The following PLEKHO2 variants were observed in gnomAD, a reference collection of about 807,000 sequenced individuals.
PLEKHO2 encodes the protein pleckstrin homology domain containing O2, also known as pleckstrin homology domain-containing family O member 2.
In PLEKHO2, 20 loss-of-function variants were observed where a neutral mutation model predicts 32.7. The observed-to-expected ratio is 0.61, with a 90% CI of 0.43 to 0.89. The LOEUF is 0.89. Among genes scored for constraint, PLEKHO2 ranks in the 40% least tolerant of loss-of-function variants. PLEKHO2 has a pLI of 0.00. For missense variants in PLEKHO2, 568 were observed against 621.2 expected (o/e 0.91, Z 0.91); for synonymous variants, 247 against 246.3 (o/e 1.00, Z -0.03).
chr15:64,852,484 C>T (rs2084576210), intron 2 of PLEKHO2, among the ~76,000 whole-genome samples: 1 of 152,184 alleles, frequency 6.6e-6, no homozygotes, highest in Non-Finnish European at 1.5e-5. Context: ...ATACAGTCAT[C>T]TGCTTTAAAA....
At chr15:64,854,309 G>A (rs762933012) in intron 2 of PLEKHO2, among the ~76,000 whole-genome samples, 7 of 152,164 alleles carry the variant, frequency 4.6e-5, no homozygotes, top group South Asian at 2.1e-4. Context: ...GATGGGATGC[G>A]CTTCAAGGAG....
Position 64,847,139 on chromosome 15 carries a change from A to C in PLEKHO2, c.13-1454A>C, listed in dbSNP as rs1473711984. Among the ~76,000 whole-genome samples, 6 of 152,160 alleles carry C rather than the reference A, an allele frequency of 3.9e-5. No individual in the cohort carries two copies. The South Asian group carries it at 6.2e-4, about 16-fold the overall frequency. ...TCCCCACCACTAGAATGCGCAGTTC[A>C]AAAGGGGGTGGGGGCCCACAGTGAG... On this transcript the variant is annotated intron_variant, in intron 1 of 5. Transcript: ENST00000323544.
intron 3 of PLEKHO2, among the ~76,000 whole-genome samples, chr15:64,857,647 G>C (rs1288048122): frequency 6.6e-6 from 1 of 152,160 alleles, no homozygotes; most frequent in Non-Finnish European, 1.5e-5. Context: ...GGGTGGAGCT[G>C]GGTCCTGTTT....
chr15:64,865,633 G>T lies in PLEKHO2; in HGVS notation c.1218G>T (p.Arg406Ser). 1 of 1,614,246 alleles carries T rather than the reference G, an allele frequency of 6.2e-7. No individual in the cohort carries two copies. Among genetic ancestry groups the T allele is most frequent in the Non-Finnish European group, 8.5e-7 (1 of 1,180,038 alleles). ...GCCCGCGGCATCCCTTGCAGCCCAG[G>T]GAACGGCTATATCGGGCCCAGCTGG... ...GEGPRHPLQP[R>S]ERLYRAQLEV... The change falls in exon 6 of 6, where the codon AGG becomes AGT. Residue 406 changes from arginine to serine, a missense_variant. Transcript: ENST00000323544.
At chr15:64,850,567 G>C (rs2084559999) in intron 2 of PLEKHO2, among the ~76,000 whole-genome samples, 1 of 152,204 alleles carries the variant, frequency 6.6e-6, no homozygotes, top group Non-Finnish European at 1.5e-5. Context: ...TAAAGAGGCA[G>C]ATTGCCTCTC....
At chr15:64,861,955 G>A (rs1169168761) in intron 5 of PLEKHO2, among the ~76,000 whole-genome samples, 1 of 152,062 alleles carries the variant, frequency 6.6e-6, no homozygotes, top group East Asian at 1.9e-4. Context: ...GAGGAAGGAA[G>A]GCTCTAGGAG....
chr15:64,847,283 A>G (rs910829713), intron 1 of PLEKHO2, among the ~76,000 whole-genome samples: 3 of 152,160 alleles, frequency 2.0e-5, no homozygotes, highest in Non-Finnish European at 2.9e-5. Flanking sequence ...AGCTGTGGCC[A>G]CAGGATATCC....
chr15:64,866,282 G>A lies in PLEKHO2; in HGVS notation c.*394G>A, dbSNP rs2084686544. 2.2e-6 allele frequency: 1 copy of A among 463,890 alleles called. No homozygotes were observed. Among genetic ancestry groups the A allele is most frequent in the Non-Finnish European group, 4.3e-6 (1 of 232,558 alleles). The allele number at this position is 463,890 out of a possible 1,614,324, so 28.7% of individuals were successfully genotyped here. The stretch of plus-strand genomic sequence containing the variant: ...TTTACATTCCTGACTTCTGAATACA[G>A]CACAGCTGAGCCCCCTGCAGCTCCC... On this transcript the variant is annotated 3_prime_UTR_variant, in exon 6 of 6. Transcript: ENST00000323544.
intron 4 of PLEKHO2, 73 bp from the exon 5 acceptor site, chr15:64,861,404 C>G: frequency 8.3e-7 from 1 of 1,201,606 alleles, no homozygotes; most frequent in Non-Finnish European, 1.2e-6. Context: ...TGGCTCTGAG[C>G]CAGGTCCGCC....
At chr15:64,848,813 G>C in intron 2 of PLEKHO2, 71 bp downstream of exon 2, 1 of 1,592,080 alleles carries the variant, frequency 6.3e-7, no homozygotes, top group Non-Finnish European at 8.6e-7. Context: ...CAAGTTAGTA[G>C]GAGGACCCTG....
At chr15:64,848,796 G>C in intron 2 of PLEKHO2, 54 bp downstream of exon 2, 1 of 1,607,652 alleles carries the variant, frequency 6.2e-7, no homozygotes, top group Non-Finnish European at 8.5e-7. Context: ...GGCAAAGTGA[G>C]GGCATTCAAG....
rs2084588793 is a variant in PLEKHO2, at chr15:64,853,913, TA to T, written c.163-1006del. ...GACTCAGGGATGCAGAAGTGCTCAC[TA>T]AGTGTCAGATTTCTTCTGTTAAACA... On this transcript the variant is annotated intron_variant, in intron 2 of 5. Coordinates refer to ENST00000323544, the MANE Select transcript of PLEKHO2 (RefSeq NM_025201.5). 4.6e-5 allele frequency among the ~76,000 whole-genome samples: 7 copies of T among 152,206 alleles called. No homozygotes were observed. In the South Asian group the frequency reaches 1.4e-3, roughly 32 times the overall value.
At chr15:64,845,224 T>TC (rs1226546887) in intron 1 of PLEKHO2, among the ~76,000 whole-genome samples, 1 of 150,670 alleles carries the variant, frequency 6.6e-6, no homozygotes, top group Non-Finnish European at 1.5e-5. Flanking sequence ...CTTTTTTTTT[T>TC]TTTTTTTTTA....
intron 1 of PLEKHO2, among the ~76,000 whole-genome samples, chr15:64,842,378 CTCTCTCTCTCTCTGTG>C (rs2084490919): frequency 1.8e-4 from 4 of 22,632 alleles, no homozygotes; most frequent in African/African-American, 3.5e-4. Flanking sequence ...GATCCTGACT[CTCTCTCTCTCTCTGTG>C]TGTGTGTGTG....
intron 2 of PLEKHO2, 40 bp downstream of exon 2, chr15:64,848,782 CA>C (rs1567095380): frequency 6.2e-7 from 1 of 1,612,030 alleles, no homozygotes; most frequent in Non-Finnish European, 8.5e-7. Context: ...GGTTCTGGGA[CA>C]GGGGCAAAGT....
intron 2 of PLEKHO2, among the ~76,000 whole-genome samples, chr15:64,851,645 A>G (rs752347849): frequency 6.6e-6 from 1 of 152,118 alleles, no homozygotes; most frequent in Non-Finnish European, 1.5e-5. Context: ...CTGACATTCC[A>G]AAGATGCTTC....
intron 1 of PLEKHO2, among the ~76,000 whole-genome samples, chr15:64,843,165 G>C (rs2084497889): frequency 6.6e-6 from 1 of 152,210 alleles, no homozygotes. Context: ...GTCCGTCAGG[G>C]CTCCCTCTAG....
chr15:64,848,266 C>T (rs879327845), intron 1 of PLEKHO2, among the ~76,000 whole-genome samples: 11 of 152,164 alleles, frequency 7.2e-5, no homozygotes, highest in African/African-American at 2.2e-4. Flanking sequence ...GCCACTCTGT[C>T]GAGTCATCCT....
intron 3 of PLEKHO2, among the ~76,000 whole-genome samples, chr15:64,857,294 C>T (rs1327531842): frequency 6.6e-6 from 1 of 152,226 alleles, no homozygotes; most frequent in Non-Finnish European, 1.5e-5. Flanking sequence ...CCTGTACAGC[C>T]TGTGGCCCTT....
Sources: allele counts gnomAD v4.1 joint callset (sites outside exome capture counted in the v4.1 genomes callset), GRCh38; gene constraint gnomAD v4.1.1; transcripts MANE v1.5; gene names NCBI Gene and HGNC (gene_info 2026-07-23, HGNC 2026-07-21).